The following CCDC192 variants were observed in gnomAD, a reference collection of about 807,000 sequenced individuals.
The protein encoded by CCDC192 is coiled-coil domain containing 192, also known as coiled-coil domain-containing protein 192.
At chr5:127,828,334 G>C (rs1056755160) in intron 5 of CCDC192, among the ~76,000 whole-genome samples, 3 of 152,168 alleles carry the variant, frequency 2.0e-5, no homozygotes, top group African/African-American at 4.8e-5. Context: ...AGCTTCTCCT[G>C]AGTAATTAGA....
At chr5:127,852,295 G>A (rs770412524) in intron 5 of CCDC192, among the ~76,000 whole-genome samples, 196 of 152,194 alleles carry the variant, frequency 1.3e-3, no homozygotes, top group Non-Finnish European at 4.6e-4. Context: ...TTTTCTTTAC[G>A]CATAAAGCAT....
At chr5:127,871,867 C>T (rs762237733) in intron 5 of CCDC192, among the ~76,000 whole-genome samples, 4 of 152,144 alleles carry the variant, frequency 2.6e-5, no homozygotes, top group African/African-American at 4.8e-5. Flanking sequence ...GAAAAGAGCA[C>T]GGTAATAGGA....
At chr5:127,881,825 G>C (rs545364810) in intron 6 of CCDC192, among the ~76,000 whole-genome samples, 1 of 152,290 alleles carries the variant, frequency 6.6e-6, no homozygotes, top group East Asian at 1.9e-4. Flanking sequence ...CACCTGAAAT[G>C]CTTACAGCTC....
At chr5:127,818,872 T>C (rs906863826) in intron 5 of CCDC192, among the ~76,000 whole-genome samples, 2 of 152,198 alleles carry the variant, frequency 1.3e-5, no homozygotes, top group Non-Finnish European at 2.9e-5. Flanking sequence ...CTACAGCCAT[T>C]GGAAGTTTCC....
intron 3 of CCDC192, among the ~76,000 whole-genome samples, chr5:127,764,924 AATTTTGGAAGACC>A (rs1295017624): frequency 1.3e-4 from 20 of 152,114 alleles, no homozygotes; most frequent in Non-Finnish European, 1.5e-5. Context: ...TCAGGGAGAA[AATTTTGGAAGACC>A]ATGTGTTTTG....
At chr5:127,886,259 T>C (rs1050779951) in intron 6 of CCDC192, among the ~76,000 whole-genome samples, 2 of 152,196 alleles carry the variant, frequency 1.3e-5, no homozygotes, top group Non-Finnish European at 2.9e-5. Flanking sequence ...GTTCCGGGGC[T>C]ACTTTTTTCC....
At chr5:127,784,425 A>C (rs1756418046) in intron 3 of CCDC192, among the ~76,000 whole-genome samples, 1 of 152,246 alleles carries the variant, frequency 6.6e-6, no homozygotes, top group Admixed American at 6.5e-5. Context: ...CCATATTTAC[A>C]GACATGAAAT....
At chr5:127,764,149 G>C (rs922102636) in intron 3 of CCDC192, among the ~76,000 whole-genome samples, 1 of 152,076 alleles carries the variant, frequency 6.6e-6, no homozygotes, top group East Asian at 1.9e-4. Context: ...TATACATTTG[G>C]AGTTGACCCC....
intron 2 of CCDC192, among the ~76,000 whole-genome samples, chr5:127,732,460 A>C (rs2126818832): frequency 6.6e-6 from 1 of 152,368 alleles, no homozygotes; most frequent in South Asian, 2.1e-4. Flanking sequence ...ATGTAACAAG[A>C]AATACCATTT....
intron 3 of CCDC192, among the ~76,000 whole-genome samples, chr5:127,794,558 C>T (rs1456673281): frequency 6.6e-6 from 1 of 152,074 alleles, no homozygotes; most frequent in African/African-American, 2.4e-5. Flanking sequence ...TATAGTTTTG[C>T]ATTATATAAT....
At chr5:127,761,671 A>G (rs1515640) in intron 3 of CCDC192, among the ~76,000 whole-genome samples, 41,546 of 152,048 alleles carry the variant, frequency 0.27, 6,474 homozygotes, top group South Asian at 0.43. Context: ...TCTCTTCAAG[A>G]TGGCATTTTC....
chr5:127,747,586 T>C (rs1431160209), intron 2 of CCDC192, among the ~76,000 whole-genome samples: 199 of 151,978 alleles, frequency 1.3e-3, no homozygotes, highest in African/African-American at 4.6e-3. Flanking sequence ...TGTGTCTTTA[T>C]AGCAGCATGA....
At chr5:127,704,114 A>G (rs1032113188) in intron 1 of CCDC192, among the ~76,000 whole-genome samples, 3 of 152,234 alleles carry the variant, frequency 2.0e-5, no homozygotes, top group Non-Finnish European at 4.4e-5. Context: ...TCTCTGTAGC[A>G]GGAGCTACAT....
intron 2 of CCDC192, among the ~76,000 whole-genome samples, chr5:127,719,674 T>C (rs903891041): frequency 6.6e-6 from 1 of 150,878 alleles, no homozygotes; most frequent in African/African-American, 2.5e-5. Context: ...AAGAACTACC[T>C]GAGACTGGGT....
chr5:127,737,793 C>T (rs1305527870), intron 2 of CCDC192, among the ~76,000 whole-genome samples: 1 of 151,908 alleles, frequency 6.6e-6, no homozygotes, highest in Non-Finnish European at 1.5e-5. Context: ...GTAGATCTTC[C>T]TCCATCCTTT....
At chr5:127,822,735 G>A (rs773033684) in intron 5 of CCDC192, among the ~76,000 whole-genome samples, 2 of 152,138 alleles carry the variant, frequency 1.3e-5, no homozygotes. Context: ...TCCTTTAGGG[G>A]TCCTAGGAAA....
intron 3 of CCDC192, among the ~76,000 whole-genome samples, chr5:127,763,402 A>T (rs1261332548): frequency 1.3e-5 from 2 of 152,124 alleles, no homozygotes; most frequent in African/African-American, 4.8e-5. Flanking sequence ...TCTTGAATCC[A>T]TCTTTTTTTC....
At chr5:127,702,830 G>A (rs1750762369), upstream of CCDC192, among the ~76,000 whole-genome samples, 1 of 152,214 alleles carries the variant, frequency 6.6e-6, no homozygotes, top group Non-Finnish European at 1.5e-5. Context: ...AAAGTAGCTG[G>A]TGTCTTTGGA....
intron 2 of CCDC192, among the ~76,000 whole-genome samples, chr5:127,745,930 T>A (rs577139282): frequency 2.0e-5 from 3 of 152,240 alleles, no homozygotes; most frequent in South Asian, 2.1e-4. Flanking sequence ...CACATCTAAC[T>A]TTTTTAGTCT....
Sources: allele counts gnomAD v4.1 joint callset (sites outside exome capture counted in the v4.1 genomes callset), GRCh38; gene constraint gnomAD v4.1.1; transcripts MANE v1.5; gene names NCBI Gene and HGNC (gene_info 2026-07-23, HGNC 2026-07-21).